The following PDZD2 variants were observed in gnomAD, a reference collection of about 807,000 sequenced individuals.
PDZD2 encodes PDZ domain-containing protein 2.
Under a neutral mutation model 220.7 loss-of-function variants are expected in PDZD2, and 90 were observed. That is an observed-to-expected ratio of 0.41 (90% CI 0.34 to 0.49). The LOEUF (loss-of-function observed/expected upper bound fraction) is 0.49, where lower values mean the gene tolerates loss of function less well. Among genes scored for constraint, PDZD2 ranks in the 20% least tolerant of loss-of-function variants. The pLI, the probability that PDZD2 is intolerant of heterozygous loss-of-function variation, is 0.28. For synonymous variants in PDZD2, 1,375 were observed against 1,450.5 expected, an observed-to-expected ratio of 0.95 and a Z score of 1.18; for missense variants, 3,174 against 3,608.5, an observed-to-expected ratio of 0.88 and a Z score of 3.08.
At position 32,083,822 on chromosome 5, in the gene PDZD2, G is replaced by A. The variant is rs1397791461; in HGVS notation, c.3683-3309G>A. On this transcript the variant is annotated intron_variant, in intron 19 of 24. Coordinates refer to ENST00000438447, the MANE Select transcript of PDZD2 (RefSeq NM_178140.4). This position sits in a 1 kb window ranked among gnomAD's most constrained non-coding sequence, Gnocchi z 4.1. ...CTCCCAAGCAGCTGGGATTACAGAC[G>A]TGCACCACCACACCTGGCTAATTTT... is the stretch of plus-strand genomic sequence containing the variant. 2.6e-5 allele frequency among the ~76,000 whole-genome samples: 4 copies of A among 151,770 alleles called. No individual in the cohort carries two copies. The highest frequency in any genetic ancestry group is 2.1e-4 in the South Asian group (1 of 4,812).
chr5:31,764,840 G>T, intron 1 of PDZD2, among the ~76,000 whole-genome samples: 1 of 152,214 alleles, frequency 6.6e-6, no homozygotes, highest in Non-Finnish European at 1.5e-5. Flanking sequence ...ACTTTGGGAG[G>T]CCAAGATAGG....
chr5:32,090,563 G>T lies in PDZD2; in HGVS notation c.7115G>T (p.Arg2372Leu). 6.2e-7 allele frequency: 1 copy of T among 1,613,886 alleles called. No individual in the cohort carries two copies. Among genetic ancestry groups the T allele is most frequent in the African/African-American group, 1.3e-5 (1 of 75,008 alleles). ...AGCTCCAAGCCTCCCATTGGGAGGCGGTCTTCCGGCAGCATTGTTTCCGGG... is the reference window on the plus strand; with the variant it reads ...AGCTCCAAGCCTCCCATTGGGAGGCTGTCTTCCGGCAGCATTGTTTCCGGG... ...SVSSKPPIGR[R>L]SSGSIVSGSL... The change falls in exon 20 of 25, where the codon CGG becomes CTG. Residue 2372 changes from arginine (R) to leucine (L), a missense_variant. Physicochemically the swap from Arg to Leu is moderately radical, Grantham distance 102. Around this residue, in one of 4 missense-constraint regions of PDZD2, gnomAD observed 631 missense variants for 789.9 expected, o/e 0.80. Coordinates refer to ENST00000438447, the MANE Select transcript of PDZD2 (RefSeq NM_178140.4). The surrounding 1 kb of genome is among the most constrained non-coding windows in gnomAD (Gnocchi z 4.3).
rs1757969816 is a variant in PDZD2, at chr5:31,850,243, T to TGTATAC, written c.476+50519_476+50520insGTATAC. ...ATATATAAGTATATATATATATATA[T>TGTATAC]ACACACACACACACACACATATATA... is the stretch of plus-strand genomic sequence containing the variant. On this transcript the variant is annotated intron_variant, in intron 2 of 24. Coordinates refer to ENST00000438447, the MANE Select transcript of PDZD2 (RefSeq NM_178140.4). Among the ~76,000 whole-genome samples the TGTATAC allele has an allele frequency of 1.4e-4, 17 of 122,232 alleles. 2 individuals are homozygous for TGTATAC. Among genetic ancestry groups the TGTATAC allele is most frequent in the Non-Finnish European group, 2.6e-4 (15 of 58,766 alleles). The allele number at this position is 122,232 out of a possible 152,430, so 80.2% of individuals were successfully genotyped here. A position where few individuals can be genotyped will look rare whatever the true frequency, so the allele number is the denominator to read the frequency against.
At chr5:31,791,257 C>G (rs1348862965) in intron 1 of PDZD2, among the ~76,000 whole-genome samples, 3 of 152,062 alleles carry the variant, frequency 2.0e-5, no homozygotes, top group Non-Finnish European at 2.9e-5. Context: ...TCTCTGATTG[C>G]TTACTGAGTT....
intron 1 of PDZD2, among the ~76,000 whole-genome samples, chr5:31,759,393 C>T (rs1007183049): frequency 2.6e-5 from 4 of 152,088 alleles, no homozygotes; most frequent in Admixed American, 1.3e-4. Flanking sequence ...TTTGCTTTAG[C>T]CTGATTTGCT....
chr5:31,985,961 G>C (rs1222476939), intron 3 of PDZD2, among the ~76,000 whole-genome samples: 1 of 151,500 alleles, frequency 6.6e-6, no homozygotes, highest in African/African-American at 2.4e-5. Context: ...TGTAATCCCA[G>C]CTACTCGGGA....
intron 1 of PDZD2, among the ~76,000 whole-genome samples, chr5:31,727,556 C>T (rs1275356092): frequency 6.6e-6 from 1 of 151,488 alleles, no homozygotes; most frequent in Non-Finnish European, 1.5e-5. Flanking sequence ...AACAATTAGC[C>T]GGACATGGTG....
At chr5:32,001,979 G>A (rs1366892270) in intron 5 of PDZD2, among the ~76,000 whole-genome samples, 2 of 152,206 alleles carry the variant, frequency 1.3e-5, no homozygotes, top group Non-Finnish European at 2.9e-5. Flanking sequence ...TGTGCAGCAT[G>A]ACGCTCTTGC....
chr5:31,749,855 C>A (rs149140810), intron 1 of PDZD2, among the ~76,000 whole-genome samples: 184 of 152,270 alleles, frequency 1.2e-3, no homozygotes, highest in African/African-American at 4.3e-3. Context: ...AGGTGAGCCG[C>A]GCGTGGCTTC....
rs754594010 is a variant in PDZD2 at position 32,058,064 on chromosome 5, C to T, written c.2161C>T (p.Pro721Ser). 4 of 1,606,636 alleles carry T rather than the reference C, an allele frequency of 2.5e-6. No individual in the cohort carries two copies. The Admixed American group carries it at 5.0e-5, about 20-fold the overall frequency. Residue 721 changes from proline (P) to serine (S), a missense_variant, in exon 12 of 25, where the codon CCC (proline) becomes TCC (serine). This residue lies in a region of PDZD2 where 1,861 missense variants were observed against 2,001.0 expected (regional missense o/e 0.93). Coordinates refer to ENST00000438447, the MANE Select transcript of PDZD2 (RefSeq NM_178140.4). ...ATCCCTGGGTCGGAAGACCCCTGGG[C>T]CCAAGGACAGGATCGTCATGGAAGT... ...SSSLGRKTPG[P>S]KDRIVMEVTL...
chr5:31,774,193 C>G (rs1371160843), intron 1 of PDZD2, among the ~76,000 whole-genome samples: 1 of 152,086 alleles, frequency 6.6e-6, no homozygotes, highest in Non-Finnish European at 1.5e-5. Context: ...TCTTATTTCC[C>G]AGAGTTCTAC....
At chr5:31,677,192 G>A (rs1418562318) in intron 1 of PDZD2, among the ~76,000 whole-genome samples, 3 of 152,278 alleles carry the variant, frequency 2.0e-5, no homozygotes, top group East Asian at 1.9e-4. Context: ...AAGCCGAGGC[G>A]GTGGGGAATG....
rs148122980 is a variant in PDZD2, at chr5:31,846,297, C to G, written c.476+46573C>G. On this transcript the variant is annotated intron_variant, in intron 2 of 24. Transcript: ENST00000438447. ...TACAGGCGTGCACCACTGCACCCAG[C>G]TAATTTTTTGTATTTTTAGTAGAGA... Among the ~76,000 whole-genome samples the G allele has an allele frequency of 6.5e-3, 985 of 152,278 alleles. 13 individuals are homozygous for G. Among genetic ancestry groups the G allele is most frequent in the African/African-American group, 0.022 (910 of 41,566 alleles).
chr5:31,897,282 C>A (rs1195999660), intron 2 of PDZD2, among the ~76,000 whole-genome samples: 1 of 152,078 alleles, frequency 6.6e-6, no homozygotes, highest in African/African-American at 2.4e-5. Context: ...AGAAAGTAAA[C>A]CTCGAGTATC....
intron 2 of PDZD2, chr5:31,923,546 G>A: frequency 5.6e-6 from 5 of 892,030 alleles, no homozygotes; most frequent in Non-Finnish European, 5.6e-6. Context: ...GGATTATTTG[G>A]TCTTCTGGAT....
In PDZD2 at chr5:32,097,354, A is replaced by G. The variant is rs1581491392; in HGVS notation, c.7921A>G (p.Thr2641Ala). ...SGLGFSVAGG[T>A]DVEPKSITVH... ...TCTGGGATTCAGTGTGGCAGGAGGG[A>G]CAGATGTGGAGCCAAAATCAATCAC... Residue 2641 changes from threonine to alanine, a missense_variant, in exon 22 of 25, where the codon ACA becomes GCA. Physicochemically the swap from Thr to Ala is moderately conservative, Grantham distance 58 (BLOSUM62 0). Coordinates refer to ENST00000438447, the MANE Select transcript of PDZD2 (RefSeq NM_178140.4). 6.2e-7 allele frequency: 1 copy of G among 1,611,780 alleles called. No individual in the cohort carries two copies. Among genetic ancestry groups the G allele is most frequent in the Non-Finnish European group, 8.5e-7 (1 of 1,177,838 alleles).
intron 19 of PDZD2, among the ~76,000 whole-genome samples, chr5:32,079,873 C>T (rs764030328): frequency 6.6e-6 from 1 of 152,016 alleles, no homozygotes; most frequent in African/African-American, 2.4e-5. Context: ...TGGCTACTCA[C>T]AGAAAAAATA....
In PDZD2 at chr5:32,069,697, T is replaced by G. The variant is rs779416583; in HGVS notation, c.2533+47T>G. The stretch of plus-strand genomic sequence containing the variant: ...ATTCAACATTCAGAAGAGTTTCTCA[T>G]TAAGTTCACCCACAGGCACTCCCCA... On this transcript the variant is annotated intron_variant, in intron 15 of 24. Transcript: ENST00000438447. The G allele has an allele frequency of 3.3e-5, 32 of 980,352 alleles. No individual in the cohort carries two copies. Among genetic ancestry groups the G allele is most frequent in the Non-Finnish European group, 5.3e-5 (32 of 605,336 alleles). 60.7% of individuals were successfully genotyped at this position (980,352 alleles called of 1,614,324 possible). A position where few individuals can be genotyped will look rare whatever the true frequency, so the allele number is the denominator to read the frequency against.
At chr5:31,750,332 G>A (rs970048379) in intron 1 of PDZD2, among the ~76,000 whole-genome samples, 6 of 152,100 alleles carry the variant, frequency 3.9e-5, no homozygotes, top group African/African-American at 1.4e-4. Flanking sequence ...CCTCCTTTCT[G>A]AGTTCTGTTA....
Sources: gnomAD v4.1 joint callset for allele counts (sites outside exome capture counted in the v4.1 genomes callset) on GRCh38, gnomAD v4.1.1 for gene constraint, gnomAD v4.1.1 regional missense constraint, Gnocchi (gnomAD v3.1) non-coding constraint, MANE v1.5 for transcripts, NCBI Gene and HGNC (gene_info 2026-07-23, HGNC 2026-07-21) for gene names.